The following FSTL5 variants were observed in gnomAD, a reference collection of about 807,000 sequenced individuals.
FSTL5 encodes follistatin-related protein 5.
Under a neutral mutation model 89.1 loss-of-function variants are expected in FSTL5, and 62 were observed. The ratio of observed to expected loss-of-function variants is 0.70; its 90% CI spans 0.57 to 0.86. The LOEUF (loss-of-function observed/expected upper bound fraction) is 0.86, where lower values mean the gene tolerates loss of function less well. FSTL5 is among the 40% of genes least tolerant of loss of function. FSTL5 has a pLI of 0.00. For synonymous variants in FSTL5, 383 were observed against 346.2 expected (o/e 1.11, Z -1.18); for missense variants, 1,057 against 1,001.6 (o/e 1.06, Z -0.75).
At chr4:162,089,239 A>C (rs1013324227) in intron 2 of FSTL5, among the ~76,000 whole-genome samples, 1 of 152,122 alleles carries the variant, frequency 6.6e-6, no homozygotes, top group South Asian at 2.1e-4. Flanking sequence ...CAAGTTACTT[A>C]GTCTCTGCTA....
intron 3 of FSTL5, among the ~76,000 whole-genome samples, chr4:162,033,346 G>T (rs1206816598): frequency 6.6e-6 from 1 of 152,068 alleles, no homozygotes; most frequent in Non-Finnish European, 1.5e-5. Context: ...ACAATGGTTG[G>T]TGGAGGAGTT....
intron 3 of FSTL5, among the ~76,000 whole-genome samples, chr4:161,978,034 G>C (rs1735715015): frequency 6.6e-6 from 1 of 152,150 alleles, no homozygotes; most frequent in Admixed American, 6.5e-5. Context: ...GATACTAACA[G>C]TATTGGCCTT....
intron 1 of FSTL5, among the ~76,000 whole-genome samples, chr4:162,152,288 T>A (rs1486557607): frequency 6.6e-6 from 1 of 152,246 alleles, no homozygotes; most frequent in African/African-American, 2.4e-5. Context: ...TAATGATTTT[T>A]ACTCCAATTA....
At chr4:161,511,522 A>T (rs530959118) in intron 10 of FSTL5, among the ~76,000 whole-genome samples, 5 of 152,262 alleles carry the variant, frequency 3.3e-5, no homozygotes, top group African/African-American at 9.6e-5. Flanking sequence ...ACAAATACGA[A>T]AAAAGTATAA....
intron 3 of FSTL5, among the ~76,000 whole-genome samples, chr4:161,964,763 C>A (rs951256962): frequency 1.3e-5 from 2 of 151,928 alleles, no homozygotes; most frequent in African/African-American, 4.8e-5. Flanking sequence ...ATGATAGTAG[C>A]AGAAATTTAT....
intron 6 of FSTL5, among the ~76,000 whole-genome samples, chr4:161,717,610 A>G (rs1176250777): frequency 6.6e-6 from 1 of 152,208 alleles, no homozygotes; most frequent in Non-Finnish European, 1.5e-5. Flanking sequence ...AAAAGAGTCC[A>G]CTTGATGGAA....
intron 1 of FSTL5, among the ~76,000 whole-genome samples, chr4:162,146,015 C>T (rs1732968754): frequency 2.0e-5 from 3 of 152,088 alleles, no homozygotes; most frequent in Admixed American, 1.3e-4. Context: ...AAAACTATTT[C>T]ACAGTTTCAT....
At chr4:161,433,470 A>C (rs185584225) in intron 15 of FSTL5, among the ~76,000 whole-genome samples, 53 of 152,200 alleles carry the variant, frequency 3.5e-4, no homozygotes, top group African/African-American at 1.3e-3. Context: ...GTGGGGAAAC[A>C]CTTAAAGCCT....
At chr4:161,970,769 GA>G (rs1001353908) in intron 3 of FSTL5, among the ~76,000 whole-genome samples, 3 of 151,852 alleles carry the variant, frequency 2.0e-5, no homozygotes, top group African/African-American at 7.3e-5. Flanking sequence ...ATCCCTATGG[GA>G]AAGTACACAC....
At position 161,538,158 on chromosome 4, in the gene FSTL5, A is replaced by G; in HGVS notation, c.1312+8T>C. ...TGTGTGTGTGCTGTTGGGTGGTTCTATACATACGGGTCTTTCTAGCAGAGT... is the reference window on the plus strand; with the variant it reads ...TGTGTGTGTGCTGTTGGGTGGTTCTGTACATACGGGTCTTTCTAGCAGAGT... On this transcript the variant is annotated splice_region_variant and intron_variant, in intron 10 of 15. Transcript: ENST00000306100. The G allele has an allele frequency of 1.9e-6, 3 of 1,613,852 alleles. No homozygotes were observed. The highest frequency in any genetic ancestry group is 2.5e-6 in the Non-Finnish European group (3 of 1,179,842).
intron 3 of FSTL5, among the ~76,000 whole-genome samples, chr4:162,009,477 GA>G (rs763064678): frequency 9.9e-5 from 15 of 151,908 alleles, no homozygotes; most frequent in Non-Finnish European, 1.8e-4. Flanking sequence ...GTTTCAGTAG[GA>G]ACCTGCATAA....
At chr4:161,900,920 C>G (rs1477887811) in intron 4 of FSTL5, among the ~76,000 whole-genome samples, 1 of 151,846 alleles carries the variant, frequency 6.6e-6, no homozygotes, top group Non-Finnish European at 1.5e-5. Context: ...TACTGTTTAA[C>G]TTTTTTCTTA....
At chr4:162,137,329 G>T (rs1407282893) in intron 1 of FSTL5, among the ~76,000 whole-genome samples, 1 of 152,010 alleles carries the variant, frequency 6.6e-6, no homozygotes, top group Admixed American at 6.6e-5. Flanking sequence ...AAAATCTAAA[G>T]ACTGCCTAGT....
intron 4 of FSTL5, among the ~76,000 whole-genome samples, chr4:161,875,758 C>A (rs1282811757): frequency 6.6e-6 from 1 of 152,152 alleles, no homozygotes; most frequent in African/African-American, 2.4e-5. Flanking sequence ...ACCTTTTCCC[C>A]TAACTTGATT....
chr4:161,644,702 C>A (rs563620590), intron 7 of FSTL5, among the ~76,000 whole-genome samples: 1 of 152,006 alleles, frequency 6.6e-6, no homozygotes, highest in African/African-American at 2.4e-5. Context: ...TAGAAGAAGC[C>A]ATTAAGGGAT....
At chr4:161,868,754 G>T (rs920432592) in intron 4 of FSTL5, among the ~76,000 whole-genome samples, 13 of 152,142 alleles carry the variant, frequency 8.5e-5, no homozygotes, top group Non-Finnish European at 1.6e-4. Flanking sequence ...ATTTGTAAAA[G>T]TTAGACCAGA....
intron 4 of FSTL5, among the ~76,000 whole-genome samples, chr4:161,904,199 T>C (rs1466535819): frequency 6.6e-6 from 1 of 152,040 alleles, no homozygotes; most frequent in African/African-American, 2.4e-5. Flanking sequence ...AAAAATCACT[T>C]GGATTCTAGC....
At chr4:161,806,897 C>G (rs1579106221) in intron 4 of FSTL5, among the ~76,000 whole-genome samples, 1 of 151,726 alleles carries the variant, frequency 6.6e-6, no homozygotes, top group East Asian at 1.9e-4. Flanking sequence ...GATAAATAGA[C>G]AGATAGATAG....
At chr4:161,808,643 T>C (rs1641380811) in intron 4 of FSTL5, among the ~76,000 whole-genome samples, 1 of 151,254 alleles carries the variant, frequency 6.6e-6, no homozygotes, top group African/African-American at 2.4e-5. Flanking sequence ...AAAACCCAGA[T>C]AAAATGAAAC....
Sources: allele counts gnomAD v4.1 joint callset (sites outside exome capture counted in the v4.1 genomes callset), GRCh38; gene constraint gnomAD v4.1.1; transcripts MANE v1.5; gene names NCBI Gene and HGNC (gene_info 2026-07-23, HGNC 2026-07-21).